Variants in MNAT1 observed in about 807,000 individuals in gnomAD.
The protein encoded by MNAT1 is MNAT1 component of CDK activating kinase, also known as CDK-activating kinase assembly factor MAT1.
Under a neutral mutation model 42.0 loss-of-function variants are expected in MNAT1, and 43 were observed. The observed-to-expected ratio is 1.02, with a 90% CI of 0.80 to 1.32. MNAT1 has a LOEUF of 1.32. Among genes scored for constraint, MNAT1 ranks in the 40% most tolerant of loss-of-function variants. MNAT1 has a pLI of 0.00. For synonymous variants in MNAT1, 118 were observed against 120.0 expected, an observed-to-expected ratio of 0.98 and a Z score of 0.11; for missense variants, 306 against 350.4, an observed-to-expected ratio of 0.87 and a Z score of 1.01.
intron 1 of MNAT1, among the ~76,000 whole-genome samples, chr14:60,782,881 A>G (rs1203399306): frequency 2.0e-5 from 3 of 152,212 alleles, no homozygotes; most frequent in Non-Finnish European, 4.4e-5. Flanking sequence ...TACCACTTAT[A>G]TTAACACTTA....
intron 7 of MNAT1, among the ~76,000 whole-genome samples, chr14:60,937,493 TC>T (rs2036025515): frequency 6.6e-6 from 1 of 152,218 alleles, no homozygotes; most frequent in African/African-American, 2.4e-5. Flanking sequence ...GGGAATCCTT[TC>T]CCCATTTCTT....
chr14:60,768,454 A>G (rs1353915665), intron 1 of MNAT1, among the ~76,000 whole-genome samples: 1 of 152,230 alleles, frequency 6.6e-6, no homozygotes, highest in Non-Finnish European at 1.5e-5. Flanking sequence ...AAACACAAGG[A>G]CAAATTACAA....
chr14:60,912,701 A>C (rs1240121052), intron 7 of MNAT1, among the ~76,000 whole-genome samples: 1 of 152,202 alleles, frequency 6.6e-6, no homozygotes, highest in African/African-American at 2.4e-5. Flanking sequence ...GCTGTTAGTT[A>C]GTCTGATGGG....
intron 6 of MNAT1, among the ~76,000 whole-genome samples, chr14:60,879,237 A>G (rs4151293): frequency 6.6e-6 from 1 of 151,940 alleles, no homozygotes; most frequent in Non-Finnish European, 1.5e-5. Context: ...TCTTTTTTCA[A>G]TTTAGTAGAA....
intron 7 of MNAT1, among the ~76,000 whole-genome samples, chr14:60,929,165 AAAAAAATATAT>A (rs1207156733): frequency 3.6e-5 from 3 of 84,078 alleles, no homozygotes; most frequent in African/African-American, 7.3e-5. Context: ...AAAAAAAAAA[AAAAAAATATAT>A]ATATATATAT....
At chr14:60,760,447 G>T (rs578014621) in intron 1 of MNAT1, among the ~76,000 whole-genome samples, 5 of 152,120 alleles carry the variant, frequency 3.3e-5, no homozygotes, top group Admixed American at 3.3e-4. Context: ...TAACTCACTG[G>T]GGTTACAATT....
intron 7 of MNAT1, among the ~76,000 whole-genome samples, chr14:60,917,797 T>C (rs912994268): frequency 6.6e-6 from 1 of 152,076 alleles, no homozygotes; most frequent in Non-Finnish European, 1.5e-5. Flanking sequence ...TAACTTTTTG[T>C]ATTTTTAATA....
chr14:60,890,714 G>T (rs2034822061), intron 7 of MNAT1, among the ~76,000 whole-genome samples: 1 of 152,180 alleles, frequency 6.6e-6, no homozygotes, highest in Non-Finnish European at 1.5e-5. Context: ...CATCCAGCAT[G>T]GGAGAAAGAT....
chr14:60,937,658 C>T (rs2036031347), intron 7 of MNAT1, among the ~76,000 whole-genome samples: 2 of 152,224 alleles, frequency 1.3e-5, no homozygotes, highest in African/African-American at 2.4e-5. Flanking sequence ...TGAAGTCAGG[C>T]AGCATGATGC....
intron 7 of MNAT1, among the ~76,000 whole-genome samples, chr14:60,888,537 C>G (rs1237833030): frequency 2.0e-5 from 3 of 151,880 alleles, no homozygotes; most frequent in East Asian, 1.9e-4. Context: ...AAAACTGGCA[C>G]AAGACAGGGA....
At chr14:60,794,152 T>A (rs1333148140) in intron 1 of MNAT1, among the ~76,000 whole-genome samples, 1 of 152,184 alleles carries the variant, frequency 6.6e-6, no homozygotes, top group East Asian at 1.9e-4. Context: ...TTTGGATAGA[T>A]GCTTACTTAT....
intron 1 of MNAT1, among the ~76,000 whole-genome samples, chr14:60,786,404 A>G (rs988536028): frequency 2.0e-5 from 3 of 152,128 alleles, no homozygotes; most frequent in African/African-American, 7.2e-5. Flanking sequence ...TTTGTTCATT[A>G]TAAGCAATCT....
At chr14:60,793,023 CTT>C (rs370204362) in intron 1 of MNAT1, among the ~76,000 whole-genome samples, 20 of 144,160 alleles carry the variant, frequency 1.4e-4, no homozygotes, top group Non-Finnish European at 1.1e-4. Context: ...TCTTCTTCTT[CTT>C]TTTTTTTTTT....
rs7161360 is a variant in MNAT1 at position 60,908,456 on chromosome 14, T to C, written c.809+28621T>C. 3.1e-3 allele frequency among the ~76,000 whole-genome samples: 470 copies of C among 152,290 alleles called. 1 individual carries two copies. Among genetic ancestry groups the C allele is most frequent in the African/African-American group, 0.011 (447 of 41,552 alleles). ...ATTTAACATTAGGTATATCTTCTAA[T>C]GCTATCCCTCCCCCAACCCCCCGAC... is the stretch of plus-strand genomic sequence containing the variant. On this transcript the variant is annotated intron_variant, in intron 7 of 7. Transcript: ENST00000261245.
At chr14:60,897,955 A>T (rs1269641564) in intron 7 of MNAT1, among the ~76,000 whole-genome samples, 1 of 152,056 alleles carries the variant, frequency 6.6e-6, no homozygotes, top group East Asian at 1.9e-4. Context: ...CCATGAGATC[A>T]AGTTTTTATG....
intron 6 of MNAT1, among the ~76,000 whole-genome samples, chr14:60,860,482 A>G (rs1261600031): frequency 6.7e-6 from 1 of 150,244 alleles, no homozygotes; most frequent in Non-Finnish European, 1.5e-5. Flanking sequence ...CCTTCTGAGT[A>G]GCTGGGACTA....
intron 7 of MNAT1, among the ~76,000 whole-genome samples, chr14:60,922,361 A>G (rs1469634006): frequency 6.6e-6 from 1 of 152,144 alleles, no homozygotes; most frequent in African/African-American, 2.4e-5. Flanking sequence ...TAGTGTTTTT[A>G]AAAAAGAATT....
intron 7 of MNAT1, among the ~76,000 whole-genome samples, chr14:60,893,957 T>C (rs1365703594): frequency 2.0e-5 from 3 of 152,190 alleles, no homozygotes; most frequent in African/African-American, 7.2e-5. Context: ...TTCCTACTTC[T>C]TTCCCAGAGG....
intron 7 of MNAT1, among the ~76,000 whole-genome samples, chr14:60,921,987 A>G (rs2035671052): frequency 1.3e-5 from 2 of 152,180 alleles, no homozygotes; most frequent in South Asian, 4.1e-4. Flanking sequence ...AATTTGTTTA[A>G]TAACACTAGG....
Sources: gnomAD v4.1 joint callset for allele counts (sites outside exome capture counted in the v4.1 genomes callset) on GRCh38, gnomAD v4.1.1 for gene constraint, MANE v1.5 for transcripts, NCBI Gene and HGNC (gene_info 2026-07-23, HGNC 2026-07-21) for gene names.